The following SMG1 variants were observed in gnomAD, a reference collection of about 807,000 sequenced individuals.
The protein encoded by SMG1 is serine/threonine-protein kinase SMG1.
SMG1 carries 22 observed loss-of-function variants against 419.9 expected under a neutral mutation model. The ratio of observed to expected loss-of-function variants is 0.05; its 90% confidence interval spans 0.04 to 0.07. The LOEUF is 0.07. Ranked by LOEUF, SMG1 falls within the 10% of genes least tolerant of loss-of-function variation. The probability of loss-of-function intolerance (pLI) is 1.00; values close to 1 mark genes in which losing one functional copy is unlikely to be tolerated. For missense variants in SMG1, 3,185 were observed against 4,342.0 expected (o/e 0.73, Z 7.49); for synonymous variants, 1,538 against 1,553.5 (o/e 0.99, Z 0.23).
chr16:18,891,787 C>T (rs2036893080), intron 4 of SMG1, among the ~76,000 whole-genome samples: 1 of 152,202 alleles, frequency 6.6e-6, no homozygotes, highest in South Asian at 2.1e-4. Flanking sequence ...TTTAACCCTT[C>T]CTATACTTTG....
intron 1 of SMG1, among the ~76,000 whole-genome samples, chr16:18,924,236 T>C (rs1007376627): frequency 2.7e-4 from 41 of 152,344 alleles, no homozygotes; most frequent in African/African-American, 9.6e-4. Context: ...TATTTATTAA[T>C]AGCTCATGTA....
intron 1 of SMG1, among the ~76,000 whole-genome samples, chr16:18,908,351 T>A (rs192746772): frequency 7.1e-6 from 1 of 141,460 alleles, no homozygotes; most frequent in African/African-American, 2.7e-5. Context: ...GAGAACAGAG[T>A]GAGACTCAGT....
intron 3 of SMG1, among the ~76,000 whole-genome samples, chr16:18,895,800 TC>T (rs1320300519): frequency 6.6e-6 from 1 of 152,184 alleles, no homozygotes. Context: ...CACTATACAT[TC>T]AATATCCACG....
chr16:18,895,035 T>G (rs1447316512), intron 3 of SMG1, among the ~76,000 whole-genome samples: 1 of 151,806 alleles, frequency 6.6e-6, no homozygotes, highest in Non-Finnish European at 1.5e-5. Flanking sequence ...GCCAGGATGG[T>G]CTCGATCTCC....
rs553288804 is a variant in SMG1 at position 18,885,204 on chromosome 16, T to C, written c.949-42A>G. On this transcript the variant is annotated intron_variant, in intron 7 of 62. Transcript: ENST00000446231. ...AGAGAGGGGGCCAATCATTTTAAGA[T>C]ATTACTGCCATTCACCTGTGGACCA... 4.5e-6 allele frequency: 3 copies of C among 670,054 alleles called. No homozygotes were observed. The Admixed American group carries it at 8.3e-5, about 18-fold the overall frequency. The allele number at this position is 670,054 out of a possible 1,614,324, so 41.5% of individuals were successfully genotyped here. A position where few individuals can be genotyped will look rare whatever the true frequency, so the allele number is the denominator to read the frequency against.
rs2141586299 is a variant in SMG1 at position 18,869,903 on chromosome 16, A to C, written c.2584T>G (p.Phe862Val). ...APSNTFHPQD[F>V]SDVISFILYG... ...AAAATAAAACTAATAACATCAGAGA[A>C]ATCTTGGGGGTGGAATGTATTACTT... The change falls in exon 19 of 63, where the codon TTC (phenylalanine) becomes GTC (valine). Residue 862 changes from phenylalanine to valine, a missense_variant. By Grantham distance (50) the Phe-to-Val change is conservative. Around this residue, in one of 27 missense-constraint regions of SMG1, gnomAD observed 297 missense variants for 491.0 expected, o/e 0.60. Transcript: ENST00000446231. The C allele has an allele frequency of 6.4e-7, 1 of 1,559,894 alleles. No individual in the cohort carries two copies. Among genetic ancestry groups the C allele is most frequent in the East Asian group, 2.2e-5 (1 of 44,606 alleles).
chr16:18,907,746 G>A (rs1380172637), intron 1 of SMG1, among the ~76,000 whole-genome samples: 10 of 151,374 alleles, frequency 6.6e-5, no homozygotes, highest in African/African-American at 1.2e-4. Context: ...CAGCTACTCA[G>A]GGGGCTGAGG....
chr16:18,820,830 A>T (rs1193676357), intron 55 of SMG1, among the ~76,000 whole-genome samples: 1 of 152,238 alleles, frequency 6.6e-6, no homozygotes, highest in East Asian at 1.9e-4. Context: ...TACTGCTATT[A>T]ATTTACAAAA....
intron 13 of SMG1, chr16:18,875,145 T>G (rs756040575): frequency 9.8e-5 from 15 of 152,672 alleles, no homozygotes; most frequent in Admixed American, 2.0e-4. Context: ...AATAATTTTG[T>G]GCATACAACA....
Position 18,889,361 on chromosome 16 carries a change from T to C in SMG1, c.822+11A>G. Reference sequence around the variant, plus strand: ...CAAGTACATCATGCATTTTTCCCCCTTCATTCTTACCTGCATTACAGATGA... The same window carrying C: ...CAAGTACATCATGCATTTTTCCCCCCTCATTCTTACCTGCATTACAGATGA... On this transcript the variant is annotated intron_variant, in intron 6 of 62. Coordinates refer to ENST00000446231, the MANE Select transcript of SMG1 (RefSeq NM_015092.5). 1 of 557,872 alleles carries C rather than the reference T, an allele frequency of 1.8e-6. No individual in the cohort carries two copies. Among genetic ancestry groups the C allele is most frequent in the Non-Finnish European group, 3.2e-6 (1 of 315,276 alleles). 34.6% of individuals were successfully genotyped at this position (557,872 alleles called of 1,614,324 possible). A position where few individuals can be genotyped will look rare whatever the true frequency, so the allele number is the denominator to read the frequency against.
Position 18,870,693 on chromosome 16 carries a change from A to G in SMG1, c.2409T>C (p.Arg803=). 12 of 1,608,710 alleles carry G rather than the reference A, an allele frequency of 7.5e-6. No individual in the cohort carries two copies. Among genetic ancestry groups the G allele is most frequent in the Non-Finnish European group, 1.0e-5 (12 of 1,178,210 alleles). ...GAGTTCCACTGTGCACTAGTTGAACACGGCAAACATCGACACATCTATGAA... is the reference window on the plus strand; with the variant it reads ...GAGTTCCACTGTGCACTAGTTGAACGCGGCAAACATCGACACATCTATGAA... ...DLLQRCVDVC[R]VQLVHSGTRI... Residue 803 remains arginine (R), a synonymous_variant, in exon 18 of 63, where the codon CGT becomes CGC. Transcript: ENST00000446231.
intron 8 of SMG1, 132 bp from the exon 9 acceptor site, chr16:18,884,299 A>G (rs2036527870): frequency 6.2e-6 from 3 of 480,302 alleles, no homozygotes; most frequent in South Asian, 4.3e-5. Flanking sequence ...AACATGTCCT[A>G]TATCATAAAA....
chr16:18,871,529 A>G, intron 15 of SMG1, 47 bp from the exon 16 acceptor site: 1 of 964,522 alleles, frequency 1.0e-6, no homozygotes, highest in South Asian at 1.9e-5. Flanking sequence ...AAAAACAAAA[A>G]CCAAAAAACA....
At chr16:18,862,381 T>G (rs2035262124) in intron 25 of SMG1, among the ~76,000 whole-genome samples, 1 of 152,234 alleles carries the variant, frequency 6.6e-6, no homozygotes, top group Admixed American at 6.5e-5. Context: ...CTGGTTTGGT[T>G]GCTTACAAAG....
At chr16:18,812,903 A>C (rs2141080043) in intron 60 of SMG1, among the ~76,000 whole-genome samples, 1 of 152,070 alleles carries the variant, frequency 6.6e-6, no homozygotes, top group South Asian at 2.1e-4. Flanking sequence ...CCCACCTATG[A>C]GTGAGAACAT....
chr16:18,871,520 AAAAC>A (rs765321065), intron 15 of SMG1, 38 bp from the exon 16 acceptor site: 25 of 1,154,518 alleles, frequency 2.2e-5, no homozygotes, highest in Middle Eastern at 3.1e-4. Flanking sequence ...TACATTAAAA[AAAAC>A]AAAAACCAAA....
At chr16:18,902,687 C>G (rs1488921004) in intron 1 of SMG1, among the ~76,000 whole-genome samples, 5 of 149,534 alleles carry the variant, frequency 3.3e-5, no homozygotes, top group Non-Finnish European at 7.4e-5. Flanking sequence ...GCCTGGGTGA[C>G]AGAGAGAGGC....
intron 1 of SMG1, among the ~76,000 whole-genome samples, chr16:18,897,741 A>T (rs1447232557): frequency 6.6e-6 from 1 of 152,100 alleles, no homozygotes; most frequent in African/African-American, 2.4e-5. Context: ...TCATAAGTAA[A>T]ACAGAGCTGA....
chr16:18,867,386 T>C (rs1317043689), intron 22 of SMG1, among the ~76,000 whole-genome samples: 1 of 151,882 alleles, frequency 6.6e-6, no homozygotes, highest in Non-Finnish European at 1.5e-5. Context: ...ATACAAAACT[T>C]AGCCGAGTAT....
Sources: gnomAD v4.1 joint callset for allele counts (sites outside exome capture counted in the v4.1 genomes callset) on GRCh38, gnomAD v4.1.1 for gene constraint, gnomAD v4.1.1 regional missense constraint, MANE v1.5 for transcripts, NCBI Gene and HGNC (gene_info 2026-07-23, HGNC 2026-07-21) for gene names.